TFDP2: variants seen among roughly 807,000 people sequenced by gnomAD.
TFDP2 encodes the protein transcription factor Dp-2 (E2F dimerization partner 2).
Under a neutral mutation model 59.3 loss-of-function variants are expected in TFDP2, and 17 were observed. The ratio of observed to expected loss-of-function variants is 0.29; its 90% CI spans 0.20 to 0.43. The LOEUF (loss-of-function observed/expected upper bound fraction) is 0.43. Ranked by LOEUF, TFDP2 falls within the 20% of genes least tolerant of loss-of-function variation. The pLI, the probability that TFDP2 is intolerant of heterozygous loss-of-function variation, is 1.00. For synonymous variants in TFDP2, 180 were observed against 194.7 expected (o/e 0.92, Z 0.63); for missense variants, 391 against 528.8 (o/e 0.74, Z 2.56).
intron 3 of TFDP2, among the ~76,000 whole-genome samples, chr3:142,088,511 A>C (rs2060883919): frequency 6.6e-6 from 1 of 151,374 alleles, no homozygotes; most frequent in Non-Finnish European, 1.5e-5. Context: ...CTGTATTTTT[A>C]GTAGAGACAG....
rs748568753 is a variant in TFDP2, at chr3:142,075,478, G to A, written c.82+17583C>T. Among the ~76,000 whole-genome samples the A allele has an allele frequency of 2.0e-4, 31 of 152,188 alleles. 1 individual carries two copies. The highest frequency in any genetic ancestry group is 1.7e-3 in the South Asian group (8 of 4,822). ...TTTCTGCGAAAGTTTAGTATCCTGC[G>A]TAGAGCACACTAGTGCCTGTCCTCT... On this transcript the variant is annotated intron_variant, in intron 3 of 12. Transcript: ENST00000489671.
chr3:141,973,135 T>TA (rs1559952016), intron 8 of TFDP2, among the ~76,000 whole-genome samples: 3 of 137,688 alleles, frequency 2.2e-5, no homozygotes, highest in Non-Finnish European at 4.7e-5. Context: ...TTTTTTTTTT[T>TA]AAAGATGGAG....
chr3:142,091,613 T>C (rs748057802), intron 3 of TFDP2, among the ~76,000 whole-genome samples: 13 of 152,168 alleles, frequency 8.5e-5, no homozygotes, highest in Admixed American at 2.0e-4. Flanking sequence ...TATTGGAATA[T>C]AGATGTCTCT....
Position 141,952,904 on chromosome 3 carries a change from T to G in TFDP2, c.1157+7A>C. ...TTTGCCTTTCTAACCCTGAAAAAAA[T>G]ACGTACCTTGACTGGGGTAAGGTGG... is the stretch of plus-strand genomic sequence containing the variant. On this transcript the variant is annotated splice_region_variant and intron_variant, in intron 12 of 12. Transcript: ENST00000489671. The G allele has an allele frequency of 6.2e-7, 1 of 1,613,140 alleles. No individual in the cohort carries two copies. Among genetic ancestry groups the G allele is most frequent in the South Asian group, 1.1e-5 (1 of 91,042 alleles).
intron 1 of TFDP2, among the ~76,000 whole-genome samples, chr3:142,110,691 C>A (rs1049574283): frequency 1.3e-5 from 2 of 151,490 alleles, no homozygotes; most frequent in African/African-American, 4.9e-5. Context: ...GGGGCTCACA[C>A]CTGTAATCCC....
In TFDP2 at chr3:141,952,529, G is replaced by T; in HGVS notation, c.1325C>A (p.Ser442Tyr). Residue 442 changes from serine (S) to tyrosine (Y), a missense_variant, in exon 13 of 13, where the codon TCC (serine) becomes TAC (tyrosine). Transcript: ENST00000489671. ...DEDEEDDEED[S>Y]SSPE is the part of the protein sequence containing the mutation. ...CTCTTGTCTTTATTCTGGGGAGGAGGAATCCTCCTCATCATCTTCCTCATC... is the reference window on the plus strand; with the variant it reads ...CTCTTGTCTTTATTCTGGGGAGGAGTAATCCTCCTCATCATCTTCCTCATC... 1.3e-6 allele frequency: 2 copies of T among 1,546,092 alleles called. No homozygotes were observed. Among genetic ancestry groups the T allele is most frequent in the Non-Finnish European group, 1.7e-6 (2 of 1,155,256 alleles).
chr3:142,048,553 A>G (rs75603795), intron 3 of TFDP2, among the ~76,000 whole-genome samples: 8,628 of 152,218 alleles, frequency 0.057, 302 homozygotes, highest in Middle Eastern at 0.11. Flanking sequence ...AGCCGTTTTC[A>G]ACCTCTGATT....
chr3:142,043,938 C>T (rs61737218), intron 3 of TFDP2: 54,790 of 806,512 alleles, frequency 0.068, 2,113 homozygotes, highest in Non-Finnish European at 0.088. Flanking sequence ...CTGGCATTCG[C>T]GCATTGGCTG....
chr3:142,070,659 C>T (rs77652962), intron 3 of TFDP2, among the ~76,000 whole-genome samples: 7,112 of 152,238 alleles, frequency 0.047, 211 homozygotes, highest in Middle Eastern at 0.092. Context: ...GTTAATATTT[C>T]CATTTCTGTG....
At chr3:142,053,511 C>T (rs997989817) in intron 3 of TFDP2, among the ~76,000 whole-genome samples, 1 of 152,206 alleles carries the variant, frequency 6.6e-6, no homozygotes, top group Non-Finnish European at 1.5e-5. Context: ...CCAAAATAAA[C>T]TTCTTTTCTT....
chr3:142,046,424 A>G (rs1414607828), intron 3 of TFDP2, among the ~76,000 whole-genome samples: 1 of 152,184 alleles, frequency 6.6e-6, no homozygotes, highest in African/African-American at 2.4e-5. Context: ...GCCCCTTCTC[A>G]CCACTACCTT....
chr3:142,090,867 A>T (rs2060973781), intron 3 of TFDP2: 1 of 151,924 alleles, frequency 6.6e-6, no homozygotes, highest in Non-Finnish European at 1.5e-5. Flanking sequence ...AGCCAAAAGC[A>T]TTTTTCCATG....
chr3:142,044,212 G>A (rs1366031144), intron 3 of TFDP2: 3 of 347,552 alleles, frequency 8.6e-6, no homozygotes, highest in South Asian at 4.7e-5. Flanking sequence ...TGCGGCGGCG[G>A]CAGCAGCAAA....
At chr3:142,031,392 G>A (rs1946426023) in intron 3 of TFDP2, among the ~76,000 whole-genome samples, 1 of 152,112 alleles carries the variant, frequency 6.6e-6, no homozygotes, top group Admixed American at 6.6e-5. Flanking sequence ...ATTCCTTCAA[G>A]TTTCCTTCTC....
At chr3:142,084,905 T>C (rs1226950210) in intron 3 of TFDP2, among the ~76,000 whole-genome samples, 1 of 151,532 alleles carries the variant, frequency 6.6e-6, no homozygotes, top group Admixed American at 6.6e-5. Flanking sequence ...ATAAATAATA[T>C]TTGATATTAG....
intron 3 of TFDP2, among the ~76,000 whole-genome samples, chr3:142,005,746 T>C (rs1250286340): frequency 1.3e-5 from 2 of 152,210 alleles, no homozygotes; most frequent in Admixed American, 6.5e-5. Context: ...TTTTGCTGCA[T>C]AACTAATCTT....
chr3:142,037,751 G>T (rs181455344), intron 3 of TFDP2, among the ~76,000 whole-genome samples: 6 of 152,214 alleles, frequency 3.9e-5, no homozygotes, highest in Non-Finnish European at 8.8e-5. Flanking sequence ...CATAATCATG[G>T]ATGCCATTCT....
intron 6 of TFDP2, among the ~76,000 whole-genome samples, chr3:141,985,532 A>AAAC (rs1559975378): frequency 6.6e-6 from 1 of 150,620 alleles, no homozygotes; most frequent in Non-Finnish European, 1.5e-5. Context: ...AAAAAAAAAA[A>AAAC]AAAAAAAAAA....
intron 3 of TFDP2, among the ~76,000 whole-genome samples, chr3:142,011,602 G>GAAAA (rs548076797): frequency 3.1e-5 from 2 of 64,174 alleles, no homozygotes; most frequent in African/African-American, 4.4e-5. Context: ...AAAAAAAAAA[G>GAAAA]AAAAAAAAAA....
Sources: allele counts gnomAD v4.1 joint callset (sites outside exome capture counted in the v4.1 genomes callset), GRCh38; gene constraint gnomAD v4.1.1; transcripts MANE v1.5; gene names NCBI Gene and HGNC (gene_info 2026-07-23, HGNC 2026-07-21).